The following PCDHGA3 variants were observed in gnomAD, a reference collection of about 807,000 sequenced individuals.
PCDHGA3 encodes the protein protocadherin gamma subfamily A, 3, also known as protocadherin gamma-A3.
PCDHGA3 carries 40 observed loss-of-function variants against 58.5 expected under a neutral mutation model. That is an observed-to-expected ratio of 0.68 (90% confidence interval 0.53 to 0.89). The LOEUF is 0.89. Ranked by LOEUF, PCDHGA3 falls within the 40% of genes least tolerant of loss-of-function variation. PCDHGA3 has a pLI of 0.00. For synonymous variants in PCDHGA3, 530 were observed against 525.7 expected (o/e 1.01, Z -0.11); for missense variants, 1,223 against 1,195.9 (o/e 1.02, Z -0.33).
chr5:141,486,590 C>T lies in PCDHGA3; in HGVS notation c.2425-8217C>T, dbSNP rs781629297. On this transcript the variant is annotated intron_variant, in intron 1 of 3. Transcript: ENST00000253812. This position sits in a 1 kb window ranked among gnomAD's most constrained non-coding sequence, Gnocchi z 5.0. Reference sequence around the variant, plus strand: ...TCCTGAGAACAATCGCCCAGGGGACCTGCTTTGCTCCCTTGCAGCCTCTGA... The same window carrying T: ...TCCTGAGAACAATCGCCCAGGGGACTTGCTTTGCTCCCTTGCAGCCTCTGA... The T allele has an allele frequency of 6.2e-7, 1 of 1,613,640 alleles. No individual in the cohort carries two copies.
chr5:141,364,224 C>T (rs538812851), intron 1 of PCDHGA3: 29 of 1,356,016 alleles, frequency 2.1e-5, no homozygotes, highest in Admixed American at 6.0e-5. Context: ...GAAAAGCCAA[C>T]GCTCCACGCC....
At chr5:141,410,683 A>G (rs775289402) in intron 1 of PCDHGA3, 2 of 1,528,162 alleles carry the variant, frequency 1.3e-6, no homozygotes. Flanking sequence ...TATTTTAGGC[A>G]TACTACTTTA....
intron 1 of PCDHGA3, among the ~76,000 whole-genome samples, chr5:141,459,660 T>C (rs73280323): frequency 7.9e-4 from 120 of 152,386 alleles, no homozygotes; most frequent in African/African-American, 2.7e-3. Flanking sequence ...AATATCACTT[T>C]ACATTTTCAT....
intron 1 of PCDHGA3, chr5:141,478,628 T>G (rs1245431927): frequency 6.4e-7 from 1 of 1,553,704 alleles, no homozygotes; most frequent in African/African-American, 1.4e-5. Context: ...GAGCTGTTTT[T>G]TTAGTGATGA....
In PCDHGA3 at chr5:141,388,210, T is replaced by C. The variant is rs1589055013; in HGVS notation, c.2424+41753T>C. ...GCTTGTGCTCTGGAATTTGAGGCTG[T>C]TGCTGAAAATCCACTGAACTTTTAT... On this transcript the variant is annotated intron_variant, in intron 1 of 3. Transcript: ENST00000253812. 1.9e-6 allele frequency: 3 copies of C among 1,587,862 alleles called. No homozygotes were observed. Among genetic ancestry groups the C allele is most frequent in the Non-Finnish European group, 2.6e-6 (3 of 1,159,126 alleles).
chr5:141,415,112 T>G, intron 1 of PCDHGA3: 1 of 1,613,626 alleles, frequency 6.2e-7, no homozygotes, highest in Non-Finnish European at 8.5e-7. Flanking sequence ...AAGCAAAGCC[T>G]CGTAGTGGCC....
Position 141,491,648 on chromosome 5 carries a change from T to A in PCDHGA3, c.2425-3159T>A. 6.2e-7 allele frequency: 1 copy of A among 1,613,834 alleles called. No individual in the cohort carries two copies. Among genetic ancestry groups the A allele is most frequent in the Non-Finnish European group, 8.5e-7 (1 of 1,180,002 alleles). ...GTTCAGCAGCCCACAGCTCTGGCGC[T>A]GGAGCCTGACGCCATCCGGTCCCGC... On this transcript the variant is annotated intron_variant, in intron 1 of 3. Transcript: ENST00000253812. This position sits in a 1 kb window ranked among gnomAD's most constrained non-coding sequence, Gnocchi z 6.9.
rs770695271 is a variant in PCDHGA3, at chr5:141,345,612, G to T, written c.1579G>T (p.Asp527Tyr). ...ATCCTTCGACTACGAGCAATTTAGA[G>T]ACTTAAAGCTACTGGTGACAGCCAG... Reference protein sequence around the residue: ...LRSFDYEQFRDLKLLVTASDS... With the variant: ...LRSFDYEQFRYLKLLVTASDS... The change falls in exon 1 of 4, where the codon GAC (aspartate) becomes TAC (tyrosine). Residue 527 changes from aspartate (D) to tyrosine (Y), a missense_variant. Physicochemically the swap from Asp to Tyr is radical, Grantham distance 160. Around this residue, in one of 3 missense-constraint regions of PCDHGA3, gnomAD observed 791 missense variants for 708.5 expected, o/e 1.12. Transcript: ENST00000253812. 2 of 1,614,172 alleles carry T rather than the reference G, an allele frequency of 1.2e-6. No individual in the cohort carries two copies. The highest frequency in any genetic ancestry group is 1.7e-5 in the Admixed American group (1 of 60,028).
intron 1 of PCDHGA3, among the ~76,000 whole-genome samples, chr5:141,380,434 T>C (rs919623948): frequency 6.6e-6 from 1 of 152,208 alleles, no homozygotes; most frequent in South Asian, 2.1e-4. Flanking sequence ...AGACTTTACA[T>C]AGAATTCTTT....
intron 1 of PCDHGA3, chr5:141,394,309 C>T (rs2092971552): frequency 6.2e-7 from 1 of 1,613,992 alleles, no homozygotes; most frequent in Non-Finnish European, 8.5e-7. Flanking sequence ...CTGCAGGGGG[C>T]GCCCCTGTCC....
chr5:141,439,186 C>T (rs2098094521), intron 1 of PCDHGA3, among the ~76,000 whole-genome samples: 1 of 141,808 alleles, frequency 7.1e-6, no homozygotes, highest in Admixed American at 7.0e-5. Flanking sequence ...TAGTGAGACT[C>T]TGACAAAAAA....
rs1379875429 is a variant in PCDHGA3 at position 141,491,125 on chromosome 5, C to T, written c.2425-3682C>T. 3.1e-6 allele frequency: 5 copies of T among 1,614,020 alleles called. No homozygotes were observed. The highest frequency in any genetic ancestry group is 4.2e-6 in the Non-Finnish European group (5 of 1,179,992). ...CGTGTCTACACACACTGGTGAGGTG[C>T]GCACAGCCCGGGCCTTACTGGAGGA... On this transcript the variant is annotated intron_variant, in intron 1 of 3. Coordinates refer to ENST00000253812, the MANE Select transcript of PCDHGA3 (RefSeq NM_018916.4). The surrounding 1 kb of genome is among the most constrained non-coding windows in gnomAD (Gnocchi z 6.9).
chr5:141,471,562 G>T (rs2099259935), intron 1 of PCDHGA3: 1 of 152,136 alleles, frequency 6.6e-6, no homozygotes, highest in Non-Finnish European at 1.5e-5. Flanking sequence ...TTGACTCAGG[G>T]GTAGCAGTAG....
Position 141,511,643 on chromosome 5 carries a change from C to T in PCDHGA3, c.*470C>T, listed in dbSNP as rs937995879. ...TGAAAAGTTGGAAGGGCATCATGACCTCTTGGCCTCTCCTTTGATTCTCAA... is the reference window on the plus strand; with the variant it reads ...TGAAAAGTTGGAAGGGCATCATGACTTCTTGGCCTCTCCTTTGATTCTCAA... On this transcript the variant is annotated 3_prime_UTR_variant, in exon 4 of 4. Coordinates refer to ENST00000253812, the MANE Select transcript of PCDHGA3 (RefSeq NM_018916.4). 4 of 218,904 alleles carry T rather than the reference C, an allele frequency of 1.8e-5. No homozygotes were observed. The highest frequency in any genetic ancestry group is 5.2e-5 in the Admixed American group (1 of 19,306). 13.6% of individuals were successfully genotyped at this position (218,904 alleles called of 1,614,324 possible). A position where few individuals can be genotyped will look rare whatever the true frequency, so the allele number is the denominator to read the frequency against.
intron 1 of PCDHGA3, chr5:141,377,764 T>C (rs1774337022): frequency 6.6e-6 from 1 of 152,240 alleles, no homozygotes; most frequent in Non-Finnish European, 1.5e-5. Context: ...CACCAGATCT[T>C]TGGTGTTAAA....
intron 1 of PCDHGA3, chr5:141,372,361 C>A (rs1227917364): frequency 6.2e-7 from 1 of 1,613,952 alleles, no homozygotes; most frequent in South Asian, 1.1e-5. Context: ...CCTCTTTCAG[C>A]CACCGTCATG....
In PCDHGA3 at chr5:141,393,995, A is replaced by C. The variant is rs201832611; in HGVS notation, c.2424+47538A>C. On this transcript the variant is annotated intron_variant, in intron 1 of 3. Coordinates refer to ENST00000253812, the MANE Select transcript of PCDHGA3 (RefSeq NM_018916.4). ...CACGTGATAATTTACCTTTTAAATT[A>C]GAAAAGTCAATAGGTAATTATTATA... is the stretch of plus-strand genomic sequence containing the variant. The C allele has an allele frequency of 8.1e-6, 13 of 1,613,430 alleles. No homozygotes were observed. Among genetic ancestry groups the C allele is most frequent in the Non-Finnish European group, 1.1e-5 (13 of 1,179,634 alleles).
intron 1 of PCDHGA3, chr5:141,389,731 G>C (rs761645703): frequency 6.2e-7 from 1 of 1,612,688 alleles, no homozygotes; most frequent in Non-Finnish European, 8.5e-7. Context: ...GGGCTCTTCA[G>C]CCTGGGGCTG....
At chr5:141,409,708 G>C (rs2095304272) in intron 1 of PCDHGA3, 5 of 1,613,088 alleles carry the variant, frequency 3.1e-6, no homozygotes, top group Non-Finnish European at 1.7e-6. Context: ...TGGCGGTGTC[G>C]TCATACGTGT....
Sources: allele counts gnomAD v4.1 joint callset (sites outside exome capture counted in the v4.1 genomes callset), GRCh38; gene constraint gnomAD v4.1.1; regional missense constraint gnomAD v4.1.1; non-coding constraint Gnocchi (gnomAD v3.1); transcripts MANE v1.5; gene names NCBI Gene and HGNC (gene_info 2026-07-23, HGNC 2026-07-21).